Variants in FAM184B observed in about 807,000 individuals in gnomAD.
The protein encoded by FAM184B is protein FAM184B.
Under a neutral mutation model 135.9 loss-of-function variants are expected in FAM184B, and 111 were observed. The observed-to-expected ratio is 0.82, with a 90% CI of 0.70 to 0.96. The LOEUF is 0.96. FAM184B is among the 40% of genes least tolerant of loss of function. FAM184B has a pLI of 0.00. For missense variants in FAM184B, 1,375 were observed against 1,323.9 expected (o/e 1.04, Z -0.60); for synonymous variants, 552 against 524.8 (o/e 1.05, Z -0.71).
intron 6 of FAM184B, among the ~76,000 whole-genome samples, chr4:17,689,015 C>T (rs1716662551): frequency 6.6e-6 from 1 of 152,018 alleles, no homozygotes; most frequent in Admixed American, 6.6e-5. Context: ...TTCTAATGAG[C>T]TAGTTGCTTG....
At chr4:17,757,806 A>T (rs1212194361) in intron 1 of FAM184B, among the ~76,000 whole-genome samples, 9 of 152,108 alleles carry the variant, frequency 5.9e-5, no homozygotes, top group African/African-American at 2.2e-4. Flanking sequence ...AACTGGAATC[A>T]CATCAAGAAA....
At chr4:17,729,655 G>C (rs561410146) in intron 1 of FAM184B, among the ~76,000 whole-genome samples, 3 of 152,192 alleles carry the variant, frequency 2.0e-5, no homozygotes, top group Non-Finnish European at 1.5e-5. Context: ...AGGCAAACAG[G>C]GTCTGGAGTG....
At chr4:17,720,024 T>C (rs888202582) in intron 1 of FAM184B, among the ~76,000 whole-genome samples, 3 of 152,246 alleles carry the variant, frequency 2.0e-5, no homozygotes, top group African/African-American at 7.2e-5. Context: ...CTTTGGCTAG[T>C]TACATCCTCC....
chr4:17,688,153 C>CA lies in FAM184B; in HGVS notation c.1596+270dup, dbSNP rs542254589. The stretch of plus-strand genomic sequence containing the variant: ...CGAGTTGAGTGCGCCCTTTATCCTC[C>CA]AGGCAGGCTGCTCTCAGAGAGAGAG... On this transcript the variant is annotated intron_variant, in intron 7 of 17. Coordinates refer to ENST00000265018, the MANE Select transcript of FAM184B (RefSeq NM_015688.2). Among the ~76,000 whole-genome samples, 423 of 152,274 alleles carry CA rather than the reference C, an allele frequency of 2.8e-3. 2 individuals are homozygous for CA. The highest frequency in any genetic ancestry group is 4.4e-3 in the Non-Finnish European group (301 of 68,024).
At chr4:17,749,384 C>T (rs1718244233) in intron 1 of FAM184B, among the ~76,000 whole-genome samples, 1 of 151,628 alleles carries the variant, frequency 6.6e-6, no homozygotes, top group South Asian at 2.1e-4. Flanking sequence ...GAGTTCAAAA[C>T]CAGCCAGGGC....
At chr4:17,673,916 TA>T (rs551350441) in intron 7 of FAM184B, among the ~76,000 whole-genome samples, 4 of 151,152 alleles carry the variant, frequency 2.6e-5, no homozygotes, top group Admixed American at 1.3e-4. Flanking sequence ...CCTATGGAAA[TA>T]AAAAAAAATT....
At chr4:17,654,940 C>T (rs1353724249) in intron 10 of FAM184B, among the ~76,000 whole-genome samples, 1 of 152,180 alleles carries the variant, frequency 6.6e-6, no homozygotes, top group African/African-American at 2.4e-5. Context: ...CAGCCTTGAC[C>T]TCCTGGGCCC....
intron 1 of FAM184B, among the ~76,000 whole-genome samples, chr4:17,754,686 C>T (rs1308477775): frequency 6.6e-6 from 1 of 151,896 alleles, no homozygotes; most frequent in Non-Finnish European, 1.5e-5. Flanking sequence ...CCCACAAACA[C>T]ATAAGCCCCT....
Position 17,635,045 on chromosome 4 carries a change from G to C in FAM184B, c.2853C>G (p.Phe951Leu). The C allele has an allele frequency of 6.4e-7, 1 of 1,551,910 alleles. No homozygotes were observed. Among genetic ancestry groups the C allele is most frequent in the Non-Finnish European group, 8.7e-7 (1 of 1,147,020 alleles). ...AMSHRNRSFS[F>L]NPHPGYLTPS... ...GGGTCAAATATCCCGGGTGAGGATT[G>C]AAAGAGAAAGACCGATTCCGGTGGG... Residue 951 changes from phenylalanine (F) to leucine (L), a missense_variant, in exon 16 of 18, where the codon TTC becomes TTG. By Grantham distance (22) the Phe-to-Leu change is conservative (BLOSUM62 0). Coordinates refer to ENST00000265018, the MANE Select transcript of FAM184B (RefSeq NM_015688.2).
chr4:17,645,811 T>A (rs965486293), intron 12 of FAM184B, among the ~76,000 whole-genome samples: 51 of 151,678 alleles, frequency 3.4e-4, no homozygotes, highest in Middle Eastern at 3.4e-3. Context: ...TGGGAGAAAA[T>A]TTTTGCAATC....
chr4:17,754,025 AT>A (rs1388842352), intron 1 of FAM184B, among the ~76,000 whole-genome samples: 7 of 152,172 alleles, frequency 4.6e-5, no homozygotes, highest in African/African-American at 1.7e-4. Flanking sequence ...TACACAAGAT[AT>A]AAAAAAATAA....
At chr4:17,762,371 T>A (rs564609299) in intron 1 of FAM184B, among the ~76,000 whole-genome samples, 1 of 152,154 alleles carries the variant, frequency 6.6e-6, no homozygotes, top group Non-Finnish European at 1.5e-5. Context: ...TATTCTCCTT[T>A]AGGTTAACAG....
intron 16 of FAM184B, among the ~76,000 whole-genome samples, chr4:17,634,742 C>G (rs571580956): frequency 2.0e-5 from 3 of 152,298 alleles, no homozygotes; most frequent in Admixed American, 2.0e-4. Context: ...GTGGAAGATT[C>G]TTACTCTTCT....
At chr4:17,684,904 A>G (rs1716541826) in intron 7 of FAM184B, among the ~76,000 whole-genome samples, 1 of 152,144 alleles carries the variant, frequency 6.6e-6, no homozygotes, top group African/African-American at 2.4e-5. Flanking sequence ...GACATGGATG[A>G]AGCTGGAAGC....
chr4:17,643,736 A>G (rs1029236770), intron 12 of FAM184B, among the ~76,000 whole-genome samples: 1 of 152,334 alleles, frequency 6.6e-6, no homozygotes, highest in South Asian at 2.1e-4. Flanking sequence ...TCTGGCACAC[A>G]TGATTCCCAT....
At position 17,767,963 on chromosome 4, in the gene FAM184B, G is replaced by A. The variant is rs532401316; in HGVS notation, c.141+13196C>T. Among the ~76,000 whole-genome samples the A allele has an allele frequency of 3.9e-5, 6 of 152,196 alleles. No individual in the cohort carries two copies. In the South Asian group the frequency reaches 1.2e-3, roughly 32 times the overall value. On this transcript the variant is annotated intron_variant, in intron 1 of 17. Transcript: ENST00000265018. ...TAGTTCTAGGCTTCATTCAATCTCT[G>A]TCATAACTATTCAGATTTGCTATTT...
chr4:17,703,981 A>G (rs754879382), intron 5 of FAM184B, among the ~76,000 whole-genome samples: 7 of 152,020 alleles, frequency 4.6e-5, no homozygotes, highest in Non-Finnish European at 8.8e-5. Context: ...CCGAGAGGTT[A>G]TATGACCTGT....
rs61741460 is a variant in FAM184B, at chr4:17,705,826, C to G, written c.1096G>C (p.Gly366Arg). 2.6e-6 allele frequency: 4 copies of G among 1,552,098 alleles called. No homozygotes were observed. The South Asian group carries it at 4.8e-5, about 18-fold the overall frequency. Residue 366 changes from glycine to arginine, a missense_variant, in exon 4 of 18, where the codon GGC becomes CGC. Coordinates refer to ENST00000265018, the MANE Select transcript of FAM184B (RefSeq NM_015688.2). ...VLREENDLEA[G>R]NLHPQQDQSC... Reference sequence around the variant, plus strand: ...TGATCCTGCTGAGGATGAAGATTGCCGGCTTCCAAGTCATTCTCTTCCCGC... The same window carrying G: ...TGATCCTGCTGAGGATGAAGATTGCGGGCTTCCAAGTCATTCTCTTCCCGC...
At chr4:17,663,368 A>G (rs1325974809) in intron 8 of FAM184B, among the ~76,000 whole-genome samples, 3 of 152,192 alleles carry the variant, frequency 2.0e-5, no homozygotes, top group Non-Finnish European at 2.9e-5. Context: ...GGCCACGGTA[A>G]TCAGGCAAGA....
Sources: gnomAD v4.1 joint callset for allele counts (sites outside exome capture counted in the v4.1 genomes callset) on GRCh38, gnomAD v4.1.1 for gene constraint, MANE v1.5 for transcripts, NCBI Gene and HGNC (gene_info 2026-07-23, HGNC 2026-07-21) for gene names.